The following LYRM4 variants were observed in gnomAD, a reference collection of about 807,000 sequenced individuals.
LYRM4 encodes LYR motif-containing protein 4.
Under a neutral mutation model 11.7 loss-of-function variants are expected in LYRM4, and 9 were observed. The observed-to-expected ratio is 0.77, with a 90% CI of 0.46 to 1.34. LYRM4 has a LOEUF of 1.34. LYRM4 is among the 40% of genes most tolerant of loss of function. The probability of loss-of-function intolerance (pLI) is 0.00; values close to 1 mark genes in which losing one functional copy is unlikely to be tolerated. For missense variants in LYRM4, 133 were observed against 112.5 expected (o/e 1.18, Z -0.82); for synonymous variants, 42 against 40.4 (o/e 1.04, Z -0.15).
chr6:5,156,983 C>T (rs1249604505), intron 2 of LYRM4, among the ~76,000 whole-genome samples: 1 of 152,158 alleles, frequency 6.6e-6, no homozygotes, highest in East Asian at 1.9e-4. Flanking sequence ...ACCCCTCTGG[C>T]CTTTTGAGTT....
rs564938635 is a variant in LYRM4, at chr6:5,171,610, G to A, written c.207+45008C>T. 1.2e-4 allele frequency among the ~76,000 whole-genome samples: 18 copies of A among 152,242 alleles called. 1 individual carries two copies. Among genetic ancestry groups the A allele is most frequent in the South Asian group, 1.0e-3 (5 of 4,818 alleles). The stretch of plus-strand genomic sequence containing the variant: ...GGGAGTTTAAATTTTTCCCGTACTC[G>A]ATATAAGAATCGATAAGCAGTTGTT... On this transcript the variant is annotated intron_variant, in intron 2 of 2. Coordinates refer to ENST00000330636, the MANE Select transcript of LYRM4 (RefSeq NM_020408.6).
chr6:5,157,006 T>A (rs539813827), intron 2 of LYRM4, among the ~76,000 whole-genome samples: 1 of 152,154 alleles, frequency 6.6e-6, no homozygotes, highest in South Asian at 2.1e-4. Context: ...TCCTGGTAAG[T>A]AAGAATAAAG....
At chr6:5,150,031 T>A (rs1319898458) in intron 2 of LYRM4, among the ~76,000 whole-genome samples, 1 of 152,228 alleles carries the variant, frequency 6.6e-6, no homozygotes, top group East Asian at 1.9e-4. Flanking sequence ...CACAGCAGCA[T>A]GCCTCTGGCA....
the LYRM4 span, chr6:5,054,194 A>G: frequency 2.9e-6 from 2 of 697,324 alleles, no homozygotes; most frequent in South Asian, 1.3e-4. Flanking sequence ...GAAAGGAAGG[A>G]AAGACATCAC....
chr6:5,176,251 G>C (rs1759714371), intron 2 of LYRM4, among the ~76,000 whole-genome samples: 1 of 152,016 alleles, frequency 6.6e-6, no homozygotes, highest in African/African-American at 2.4e-5. Context: ...TTTTAGTAGA[G>C]ATGGGGTTTC....
chr6:5,050,521 C>G, the LYRM4 span, among the ~76,000 whole-genome samples: 1 of 152,186 alleles, frequency 6.6e-6, no homozygotes, highest in Non-Finnish European at 1.5e-5. Context: ...GTTTTTGGAG[C>G]CTGCTCTTTT....
the LYRM4 span, chr6:5,066,175 G>A: frequency 1.5e-6 from 1 of 662,004 alleles, no homozygotes; most frequent in Non-Finnish European, 2.8e-6. Flanking sequence ...TACATCAAAT[G>A]ACGACCAAGC....
At chr6:5,064,288 G>A in the LYRM4 span, among the ~76,000 whole-genome samples, 1 of 152,004 alleles carries the variant, frequency 6.6e-6, no homozygotes, top group Admixed American at 6.6e-5. Context: ...AGCCCTGAAC[G>A]GCAAACGAGA....
the LYRM4 span, chr6:5,086,773 G>A: frequency 3.5e-6 from 2 of 579,526 alleles, no homozygotes; most frequent in Non-Finnish European, 3.0e-6. Context: ...TGCTCCGAAA[G>A]CCTCTGACCT....
rs143723801 is a variant in LYRM4, at chr6:5,168,412, G to C, written c.207+48206C>G. Among the ~76,000 whole-genome samples the C allele has an allele frequency of 5.1e-3, 770 of 152,324 alleles. 2 individuals carry two copies. Among genetic ancestry groups the C allele is most frequent in the Non-Finnish European group, 6.7e-3 (453 of 68,028 alleles). On this transcript the variant is annotated intron_variant, in intron 2 of 2. Coordinates refer to ENST00000330636, the MANE Select transcript of LYRM4 (RefSeq NM_020408.6). ...ACAATACGTGCCTGCAGATGTGACAGAATGGGAAGCACACATCATGCATGC... is the reference window on the plus strand; with the variant it reads ...ACAATACGTGCCTGCAGATGTGACACAATGGGAAGCACACATCATGCATGC...
Position 5,111,529 on chromosome 6 carries a change from T to G in LYRM4, c.208-2038A>C, listed in dbSNP as rs184324817. 2.0e-5 allele frequency among the ~76,000 whole-genome samples: 3 copies of G among 152,220 alleles called. No individual in the cohort carries two copies. In the East Asian group the frequency reaches 5.8e-4, roughly 29 times the overall value. On this transcript the variant is annotated intron_variant, in intron 2 of 2. Coordinates refer to ENST00000330636, the MANE Select transcript of LYRM4 (RefSeq NM_020408.6). Reference sequence around the variant, plus strand: ...CTCTGTCCCCGTGAGGAGCAGAAAGTGAGGATGGAGAAGGAAGGTATATGC... The same window carrying G: ...CTCTGTCCCCGTGAGGAGCAGAAAGGGAGGATGGAGAAGGAAGGTATATGC...
At chr6:5,058,259 G>A in the LYRM4 span, among the ~76,000 whole-genome samples, 3 of 152,108 alleles carry the variant, frequency 2.0e-5, no homozygotes, top group Admixed American at 2.0e-4. Flanking sequence ...TGTCACATGG[G>A]GTCATTAATG....
chr6:5,032,858 C>G, the LYRM4 span: 3 of 152,602 alleles, frequency 2.0e-5, no homozygotes, highest in African/African-American at 7.2e-5. Context: ...CGGCCACTCC[C>G]TCCTGGAATT....
intron 2 of LYRM4, among the ~76,000 whole-genome samples, chr6:5,142,132 TTCTC>T (rs1207660895): frequency 1.3e-5 from 2 of 152,158 alleles, no homozygotes; most frequent in Non-Finnish European, 2.9e-5. Flanking sequence ...GGGGTTTGTG[TTCTC>T]TCTATGTGAA....
At chr6:5,124,817 G>C (rs1336115707) in intron 2 of LYRM4, among the ~76,000 whole-genome samples, 2 of 152,204 alleles carry the variant, frequency 1.3e-5, no homozygotes, top group African/African-American at 2.4e-5. Context: ...TAGCAGATCT[G>C]GGATAAGGCC....
At chr6:5,084,276 G>A in the LYRM4 span, among the ~76,000 whole-genome samples, 4 of 152,130 alleles carry the variant, frequency 2.6e-5, no homozygotes, top group South Asian at 4.1e-4. Context: ...CCAATCCCTA[G>A]GTACCACGAC....
At chr6:5,236,782 T>TAAAA (rs567524087) in intron 1 of LYRM4, among the ~76,000 whole-genome samples, 1 of 128,722 alleles carries the variant, frequency 7.8e-6, no homozygotes. Flanking sequence ...ACCCTGTCTC[T>TAAAA]AAAAAAAAAA....
chr6:5,133,053 GTTACT>G (rs1170772508), intron 2 of LYRM4, among the ~76,000 whole-genome samples: 1 of 152,224 alleles, frequency 6.6e-6, no homozygotes, highest in Non-Finnish European at 1.5e-5. Flanking sequence ...ATCAGGACTG[GTTACT>G]TTGTCTCTTT....
chr6:5,211,539 A>G (rs540789955), intron 2 of LYRM4, among the ~76,000 whole-genome samples: 4 of 152,336 alleles, frequency 2.6e-5, no homozygotes, highest in African/African-American at 9.6e-5. Context: ...CCCCTTTCCA[A>G]TGATCTTTAA....
Sources: allele counts gnomAD v4.1 joint callset (sites outside exome capture counted in the v4.1 genomes callset), GRCh38; gene constraint gnomAD v4.1.1; transcripts MANE v1.5; gene names NCBI Gene and HGNC (gene_info 2026-07-23, HGNC 2026-07-21).